Variants in ERLEC1 observed in about 807,000 individuals in gnomAD.
ERLEC1 encodes ER lectin.
A neutral mutation model predicts 68.0 loss-of-function variants in ERLEC1; 47 were observed. That is an observed-to-expected ratio of 0.69 (90% CI 0.55 to 0.88). The LOEUF (loss-of-function observed/expected upper bound fraction) is 0.88. Among genes scored for constraint, ERLEC1 ranks in the 40% least tolerant of loss-of-function variants. ERLEC1 has a pLI of 0.00. For synonymous variants in ERLEC1, 225 were observed against 203.2 expected, an observed-to-expected ratio of 1.11 and a Z score of -0.91; for missense variants, 567 against 583.8, an observed-to-expected ratio of 0.97 and a Z score of 0.30.
Position 53,787,249 on chromosome 2 carries a change from G to T in ERLEC1, c.39G>T (p.Pro13=), listed in dbSNP as rs1314929243. The change falls in exon 1 of 14, where the codon CCG becomes CCT. Residue 13 remains proline (P), a synonymous_variant. Coordinates refer to ENST00000185150, the MANE Select transcript of ERLEC1 (RefSeq NM_015701.5). ...GCGGCGGCGTACGGAGTCTGGTCCC[G>T]GGCGGGCCGGTGTTACTGGTCCTCT... The part of the protein sequence containing the change: ...EGGGGVRSLV[P]GGPVLLVLCG... The T allele has an allele frequency of 1.2e-6, 2 of 1,606,884 alleles. No homozygotes were observed. Among genetic ancestry groups the T allele is most frequent in the East Asian group, 2.2e-5 (1 of 44,852 alleles).
chr2:53,799,069 A>G lies in ERLEC1; in HGVS notation c.513A>G (p.Glu171=). ...CAGAACGAGAAGCAGAAGAAAAGGA[A>G]AAATCAAATGAGGCAAGTGACAGAT... ...FEKEREAEEK[E]KSNEIPTKNI... is the part of the protein sequence containing the mutation. Residue 171 remains glutamate (E), a synonymous_variant, in exon 6 of 14, where the codon GAA becomes GAG. Transcript: ENST00000185150. 7 of 1,612,496 alleles carry G rather than the reference A, an allele frequency of 4.3e-6. No individual in the cohort carries two copies. The highest frequency in any genetic ancestry group is 5.9e-6 in the Non-Finnish European group (7 of 1,179,058).
chr2:53,818,016 A>C lies in ERLEC1; in HGVS notation c.*47A>C. ...AGAAAAGATCATTGAAAGTCATGATAATTTCTGTCCCACTGTGTCTCATTA... is the reference window on the plus strand; with the variant it reads ...AGAAAAGATCATTGAAAGTCATGATCATTTCTGTCCCACTGTGTCTCATTA... On this transcript the variant is annotated 3_prime_UTR_variant, in exon 14 of 14. Coordinates refer to ENST00000185150, the MANE Select transcript of ERLEC1 (RefSeq NM_015701.5). 1 of 1,192,984 alleles carries C rather than the reference A, an allele frequency of 8.4e-7. No individual in the cohort carries two copies. Among genetic ancestry groups the C allele is most frequent in the East Asian group, 2.3e-5 (1 of 42,750 alleles). The allele number at this position is 1,192,984 out of a possible 1,614,324, so 73.9% of individuals were successfully genotyped here.
chr2:53,794,383 C>T lies in ERLEC1; in HGVS notation c.201C>T (p.Val67=), dbSNP rs767749816. 1.3e-6 allele frequency: 2 copies of T among 1,584,386 alleles called. No individual in the cohort carries two copies. Among genetic ancestry groups the T allele is most frequent in the African/African-American group, 1.4e-5 (1 of 73,632 alleles). Residue 67 remains valine (V), a synonymous_variant, in exon 2 of 14, where the codon GTC becomes GTT. Transcript: ENST00000185150. ...TGVLYKEDNY[V]IMTTAHKEKY... is the part of the protein sequence containing the mutation. ...TTTTATATAAAGAAGATAATTATGTCATCATGACAACTGCACATAAAGAAA... is the reference window on the plus strand; with the variant it reads ...TTTTATATAAAGAAGATAATTATGTTATCATGACAACTGCACATAAAGAAA...
At chr2:53,802,103 G>T (rs955039663) in intron 8 of ERLEC1, among the ~76,000 whole-genome samples, 10 of 151,214 alleles carry the variant, frequency 6.6e-5, no homozygotes, top group Non-Finnish European at 1.3e-4. Context: ...TAATTTTTAG[G>T]TATTTGTCCC....
At chr2:53,801,938 G>A (rs75641595) in intron 8 of ERLEC1, 96 bp downstream of exon 8, 5 of 1,046,044 alleles carry the variant, frequency 4.8e-6, no homozygotes, top group Non-Finnish European at 5.6e-6. Flanking sequence ...TATAATGGTA[G>A]TAATTTATTT....
At chr2:53,801,149 A>G (rs1483901574) in intron 6 of ERLEC1, among the ~76,000 whole-genome samples, 1 of 152,176 alleles carries the variant, frequency 6.6e-6, no homozygotes, top group East Asian at 1.9e-4. Flanking sequence ...CATTTACTTA[A>G]CATGTTAATT....
intron 8 of ERLEC1, among the ~76,000 whole-genome samples, chr2:53,808,024 C>CA (rs879419403): frequency 0.02 from 2,257 of 111,244 alleles, 48 homozygotes; most frequent in African/African-American, 0.064. Flanking sequence ...GACTCCATCT[C>CA]AAAAAAAAAA....
intron 13 of ERLEC1, 120 bp from the exon 14 acceptor site, chr2:53,817,778 T>C: frequency 3.2e-6 from 2 of 631,810 alleles, no homozygotes; most frequent in Non-Finnish European, 5.7e-6. Flanking sequence ...ATGTTGGATG[T>C]TTATCTAAAA....
At chr2:53,804,911 T>A (rs896640967) in intron 8 of ERLEC1, among the ~76,000 whole-genome samples, 2 of 152,094 alleles carry the variant, frequency 1.3e-5, no homozygotes, top group African/African-American at 4.8e-5. Context: ...ATGGGATGTT[T>A]GTTTTTCCGT....
chr2:53,806,502 G>A (rs994511938), intron 8 of ERLEC1, among the ~76,000 whole-genome samples: 2 of 152,034 alleles, frequency 1.3e-5, no homozygotes, highest in African/African-American at 2.4e-5. Flanking sequence ...TTTTTAATAC[G>A]CAGCACCTAA....
intron 2 of ERLEC1, 87 bp from the exon 3 acceptor site, chr2:53,795,846 G>A (rs1034617553): frequency 6.1e-5 from 50 of 826,094 alleles, no homozygotes; most frequent in South Asian, 1.6e-4. Context: ...AAGCATTTGT[G>A]ATTTGAGTAA....
chr2:53,791,294 A>T (rs1421328169), intron 1 of ERLEC1, among the ~76,000 whole-genome samples: 1 of 152,172 alleles, frequency 6.6e-6, no homozygotes, highest in Non-Finnish European at 1.5e-5. Context: ...ATAAAATTTG[A>T]CTTTGTCAGA....
intron 6 of ERLEC1, among the ~76,000 whole-genome samples, chr2:53,800,585 T>C (rs1453761945): frequency 2.0e-5 from 3 of 152,150 alleles, no homozygotes; most frequent in Non-Finnish European, 4.4e-5. Flanking sequence ...ATAGTGCTGA[T>C]AGGGTACTAA....
intron 8 of ERLEC1, among the ~76,000 whole-genome samples, chr2:53,805,358 C>G (rs975222394): frequency 8.6e-5 from 13 of 152,010 alleles, no homozygotes; most frequent in African/African-American, 2.9e-4. Context: ...GAATAGTACT[C>G]CATTGTGTAT....
intron 8 of ERLEC1, among the ~76,000 whole-genome samples, chr2:53,802,390 C>T (rs930124020): frequency 6.6e-6 from 1 of 152,048 alleles, no homozygotes; most frequent in Non-Finnish European, 1.5e-5. Flanking sequence ...TTTTTTCTTA[C>T]CTGTATCTCT....
intron 6 of ERLEC1, 84 bp from the exon 7 acceptor site, chr2:53,801,313 T>C: frequency 6.5e-6 from 6 of 924,548 alleles, no homozygotes; most frequent in Non-Finnish European, 9.9e-6. Flanking sequence ...GTTTTCTTCC[T>C]TTCAGAATAA....
chr2:53,814,485 C>G, intron 11 of ERLEC1, 58 bp from the exon 12 acceptor site: 4 of 1,270,560 alleles, frequency 3.1e-6, no homozygotes, highest in Non-Finnish European at 4.6e-6. Context: ...CTACCCATTA[C>G]AATTATTCTA....
Position 53,817,938 on chromosome 2 carries a change from A to ATT in ERLEC1, c.1422_1423insTT (p.Glu475LeufsTer14). Reference sequence around the variant, plus strand: ...ATCTGTAAAATCTTAGATACAGCAGATGAAAATGGACTTCTTTCTCTCCCC... The same window carrying ATT: ...ATCTGTAAAATCTTAGATACAGCAGATTTGAAAATGGACTTCTTTCTCTCCCC... On this transcript the variant is annotated frameshift_variant, in exon 14 of 14. Transcript: ENST00000185150. LOFTEE classifies it high-confidence loss of function. 6.2e-7 allele frequency: 1 copy of ATT among 1,602,532 alleles called. No homozygotes were observed. Among genetic ancestry groups the ATT allele is most frequent in the African/African-American group, 1.3e-5 (1 of 74,816 alleles).
chr2:53,787,866 G>C (rs903552209), intron 1 of ERLEC1, among the ~76,000 whole-genome samples: 1 of 152,190 alleles, frequency 6.6e-6, no homozygotes, highest in East Asian at 1.9e-4. Flanking sequence ...AGCTCCAAGG[G>C]AACTTTTTCC....
Sources: allele counts gnomAD v4.1 joint callset (sites outside exome capture counted in the v4.1 genomes callset), GRCh38; gene constraint gnomAD v4.1.1; transcripts MANE v1.5; gene names NCBI Gene and HGNC (gene_info 2026-07-23, HGNC 2026-07-21).